Variants in CDH2 observed in about 807,000 individuals in gnomAD.
CDH2 encodes cadherin 2.
In CDH2, 17 loss-of-function variants were observed where a neutral mutation model predicts 92.0. The ratio of observed to expected loss-of-function variants is 0.18; its 90% confidence interval spans 0.13 to 0.28. CDH2 has a LOEUF of 0.28. CDH2 is among the 10% of genes least tolerant of loss of function. CDH2 has a pLI of 1.00. For missense variants in CDH2, 862 were observed against 1,133.1 expected, an observed-to-expected ratio of 0.76 and a Z score of 3.44; for synonymous variants, 419 against 415.9, an observed-to-expected ratio of 1.01 and a Z score of -0.09.
intron 1 of CDH2, among the ~76,000 whole-genome samples, chr18:28,170,696 A>G (rs1268262794): frequency 2.0e-5 from 3 of 152,158 alleles, no homozygotes; most frequent in Non-Finnish European, 4.4e-5. Context: ...AGGTGGCTTA[A>G]CAATCGCTTT....
chr18:28,163,738 G>C (rs1350573281), intron 1 of CDH2, among the ~76,000 whole-genome samples: 1 of 152,142 alleles, frequency 6.6e-6, no homozygotes, highest in Admixed American at 6.5e-5. Flanking sequence ...ACGCTGAGTA[G>C]AAAAAGCAAA....
At chr18:28,058,394 A>G (rs2014337549) in intron 2 of CDH2, among the ~76,000 whole-genome samples, 1 of 152,142 alleles carries the variant, frequency 6.6e-6, no homozygotes. Flanking sequence ...TTCTCCCCGT[A>G]TATTGCAGTA....
At chr18:28,125,041 T>C (rs1265648302) in intron 2 of CDH2, among the ~76,000 whole-genome samples, 3 of 152,182 alleles carry the variant, frequency 2.0e-5, no homozygotes, top group Non-Finnish European at 2.9e-5. Flanking sequence ...ACGTACTTTT[T>C]AGTTGGGCAG....
intron 2 of CDH2, among the ~76,000 whole-genome samples, chr18:28,128,005 G>A (rs962508213): frequency 1.2e-4 from 19 of 152,154 alleles, no homozygotes; most frequent in African/African-American, 4.1e-4. Context: ...AAGATAAACA[G>A]ATGATCCATT....
At chr18:28,159,681 G>T (rs1217447006) in intron 1 of CDH2, among the ~76,000 whole-genome samples, 1 of 150,668 alleles carries the variant, frequency 6.6e-6, no homozygotes, top group Non-Finnish European at 1.5e-5. Context: ...TTTTGAAAGG[G>T]AGTCTCACTC....
intron 7 of CDH2, among the ~76,000 whole-genome samples, chr18:28,002,548 T>C (rs2012799572): frequency 6.6e-6 from 1 of 152,212 alleles, no homozygotes; most frequent in South Asian, 2.1e-4. Context: ...TAATCTACTA[T>C]ATACTATGTC....
intron 2 of CDH2, among the ~76,000 whole-genome samples, chr18:28,109,215 A>G (rs2015371176): frequency 6.6e-6 from 1 of 152,228 alleles, no homozygotes; most frequent in Non-Finnish European, 1.5e-5. Context: ...CAAGGTATCT[A>G]TGCTGCAAAA....
At position 28,043,483 on chromosome 18, in the gene CDH2, TATATATATATAA is replaced by T. The variant is rs1455231319; in HGVS notation, c.173-29586_173-29575del. 8.5e-3 allele frequency among the ~76,000 whole-genome samples: 649 copies of T among 76,472 alleles called. 4 individuals carry two copies. The highest frequency in any genetic ancestry group is 0.03 in the African/African-American group (580 of 19,200). The allele number at this position is 76,472 out of a possible 152,430, so 50.2% of individuals were successfully genotyped here. A position where few individuals can be genotyped will look rare whatever the true frequency, so the allele number is the denominator to read the frequency against. On this transcript the variant is annotated intron_variant, in intron 2 of 15. Transcript: ENST00000269141. The stretch of plus-strand genomic sequence containing the variant: ...ATAAATATATATATATATATATATA[TATATATATATAA>T]ATATATATATATATATATATAAACA...
intron 14 of CDH2, among the ~76,000 whole-genome samples, chr18:27,980,392 AGGAT>A (rs1340129682): frequency 6.6e-6 from 1 of 152,212 alleles, no homozygotes; most frequent in Non-Finnish European, 1.5e-5. Flanking sequence ...AATCTGTTGT[AGGAT>A]GGAGGTAAGT....
At chr18:28,007,165 A>AAAT (rs1172779200) in intron 5 of CDH2, among the ~76,000 whole-genome samples, 76 of 110,462 alleles carry the variant, frequency 6.9e-4, no homozygotes, top group Middle Eastern at 4.8e-3. Context: ...ATAAAAAAAA[A>AAAT]ATATATATAT....
chr18:28,009,978 C>T (rs1488591822), intron 4 of CDH2, 106 bp from the exon 5 acceptor site: 1 of 763,544 alleles, frequency 1.3e-6, no homozygotes, highest in Non-Finnish European at 1.9e-6. Context: ...AAACTTATAC[C>T]ATCTCTCCCC....
At chr18:27,959,938 C>T (rs564873951) in intron 15 of CDH2, among the ~76,000 whole-genome samples, 43 of 151,990 alleles carry the variant, frequency 2.8e-4, no homozygotes, top group Admixed American at 2.0e-3. Flanking sequence ...TGGCTTGACC[C>T]CAGGAGGCTG....
At chr18:27,935,636 G>T (rs1036553343) in intron 6 of CDH2, among the ~76,000 whole-genome samples, 1 of 152,038 alleles carries the variant, frequency 6.6e-6, no homozygotes, top group African/African-American at 2.4e-5. Flanking sequence ...GTACTGCCTT[G>T]TGTAGTGTCT....
chr18:28,003,468 C>T (rs1331940691), intron 6 of CDH2, among the ~76,000 whole-genome samples: 1 of 151,898 alleles, frequency 6.6e-6, no homozygotes, highest in Non-Finnish European at 1.5e-5. Context: ...CATTTTAGAC[C>T]TTAATTTATA....
chr18:28,017,779 C>T lies in CDH2; in HGVS notation c.173-3870G>A, dbSNP rs139786298. Reference sequence around the variant, plus strand: ...GGGACATACCTTAAGGTAATAAAAGCCATCTATGACAAACCCACAGCTAAC... The same window carrying T: ...GGGACATACCTTAAGGTAATAAAAGTCATCTATGACAAACCCACAGCTAAC... On this transcript the variant is annotated intron_variant, in intron 2 of 15. Coordinates refer to ENST00000269141, the MANE Select transcript of CDH2 (RefSeq NM_001792.5). 4.3e-3 allele frequency among the ~76,000 whole-genome samples: 651 copies of T among 152,134 alleles called. 1 individual carries two copies. Among genetic ancestry groups the T allele is most frequent in the Non-Finnish European group, 7.2e-3 (490 of 67,980 alleles).
intron 2 of CDH2, among the ~76,000 whole-genome samples, chr18:28,117,850 C>A (rs1403084365): frequency 2.0e-5 from 3 of 152,008 alleles, no homozygotes; most frequent in African/African-American, 7.2e-5. Flanking sequence ...AACCCCAATC[C>A]CAAGTTGCCT....
At position 28,003,071 on chromosome 18, in the gene CDH2, G is replaced by C; in HGVS notation, c.946C>G (p.Pro316Ala). ...TTGATTGTAAACATGTTGGGTGAAG[G>C]GGTGCTTGGAGCCTGAGACACGATT... ...YRIVSQAPSTPSPNMFTINNE... is the reference protein window; with the variant it reads ...YRIVSQAPSTASPNMFTINNE... Residue 316 changes from proline (P) to alanine (A), a missense_variant, in exon 7 of 16, where the codon CCT becomes GCT. Pro to Ala is a conservative substitution (Grantham distance 27). Transcript: ENST00000269141. 1 of 1,614,050 alleles carries C rather than the reference G, an allele frequency of 6.2e-7. No homozygotes were observed. Among genetic ancestry groups the C allele is most frequent in the South Asian group, 1.1e-5 (1 of 91,074 alleles).
rs1169190076 is a variant in CDH2 at position 27,951,010 on chromosome 18, G to A, written c.*1143C>T. ...TTTATTCAGAACGCTGGGGTCAGAGGTGTATCATTTATATTCTGGTACACA... is the reference window on the plus strand; with the variant it reads ...TTTATTCAGAACGCTGGGGTCAGAGATGTATCATTTATATTCTGGTACACA... On this transcript the variant is annotated 3_prime_UTR_variant, in exon 16 of 16. Transcript: ENST00000269141. 6.6e-6 allele frequency: 1 copy of A among 152,186 alleles called. No individual in the cohort carries two copies. Among genetic ancestry groups the A allele is most frequent in the Non-Finnish European group, 1.5e-5 (1 of 67,932 alleles). The allele number at this position is 152,186 out of a possible 1,614,324, so 9.4% of individuals were successfully genotyped here. A position where few individuals can be genotyped will look rare whatever the true frequency, so the allele number is the denominator to read the frequency against.
At chr18:27,987,114 T>A (rs1417279952) in intron 11 of CDH2, among the ~76,000 whole-genome samples, 1 of 152,176 alleles carries the variant, frequency 6.6e-6, no homozygotes, top group Middle Eastern at 3.2e-3. Flanking sequence ...TCCTGGTGAA[T>A]GAGAAATCTG....
Sources: allele counts gnomAD v4.1 joint callset (sites outside exome capture counted in the v4.1 genomes callset), GRCh38; gene constraint gnomAD v4.1.1; transcripts MANE v1.5; gene names NCBI Gene and HGNC (gene_info 2026-07-23, HGNC 2026-07-21).